Variants in EXOC6B observed in about 807,000 individuals in gnomAD.
The protein encoded by EXOC6B is SEC15 homolog B.
Under a neutral mutation model 113.5 loss-of-function variants are expected in EXOC6B, and 54 were observed. That is an observed-to-expected ratio of 0.48 (90% CI 0.38 to 0.60). EXOC6B has a LOEUF of 0.60. Ranked by LOEUF, EXOC6B falls within the 20% of genes least tolerant of loss-of-function variation. EXOC6B has a pLI of 0.00. For missense variants in EXOC6B, 797 were observed against 977.5 expected (o/e 0.82, Z 2.46); for synonymous variants, 357 against 339.0 (o/e 1.05, Z -0.58).
intron 20 of EXOC6B, among the ~76,000 whole-genome samples, chr2:72,188,213 G>C (rs994297694): frequency 6.6e-6 from 1 of 152,184 alleles, no homozygotes; most frequent in African/African-American, 2.4e-5. Flanking sequence ...TTGCCTCCCT[G>C]CTGCAGCCAG....
At chr2:72,655,481 G>A (rs1172681682) in intron 6 of EXOC6B, among the ~76,000 whole-genome samples, 1 of 151,888 alleles carries the variant, frequency 6.6e-6, no homozygotes, top group Non-Finnish European at 1.5e-5. Flanking sequence ...TAAGAAAGTT[G>A]TTACCTGTAA....
At chr2:72,375,043 A>AT (rs34594841) in intron 19 of EXOC6B, among the ~76,000 whole-genome samples, 20,629 of 151,612 alleles carry the variant, frequency 0.14, 1,725 homozygotes, top group African/African-American at 0.24. Flanking sequence ...CAAAAAGTAG[A>AT]TTTTTTTTCA....
chr2:72,517,728 G>A (rs934844442), intron 8 of EXOC6B, among the ~76,000 whole-genome samples: 8 of 151,932 alleles, frequency 5.3e-5, no homozygotes, highest in African/African-American at 1.7e-4. Context: ...ATATGCTTTG[G>A]AGCCAAGACA....
At chr2:72,364,631 C>G (rs553493631) in intron 19 of EXOC6B, among the ~76,000 whole-genome samples, 1 of 152,196 alleles carries the variant, frequency 6.6e-6, no homozygotes, top group South Asian at 2.1e-4. Context: ...GATTCTCCTA[C>G]GGTTCTCTCA....
chr2:72,666,780 G>GACACACACACACACAC (rs71404724), intron 6 of EXOC6B, among the ~76,000 whole-genome samples: 3 of 81,160 alleles, frequency 3.7e-5, no homozygotes, highest in African/African-American at 8.5e-5. Context: ...ATTTACAATA[G>GACACACACACACACAC]ACACACACAC....
chr2:72,335,566 A>ACG (rs1688649331), intron 19 of EXOC6B, among the ~76,000 whole-genome samples: 1 of 131,724 alleles, frequency 7.6e-6, no homozygotes, highest in Admixed American at 7.6e-5. Context: ...ACACACACAC[A>ACG]CACACACACA....
intron 20 of EXOC6B, among the ~76,000 whole-genome samples, chr2:72,326,500 C>T (rs1274802840): frequency 6.6e-6 from 1 of 151,986 alleles, no homozygotes; most frequent in Non-Finnish European, 1.5e-5. Flanking sequence ...GTAGCAATTG[C>T]TAGGTGGCTT....
intron 18 of EXOC6B, among the ~76,000 whole-genome samples, chr2:72,406,151 C>A (rs1366600451): frequency 7.9e-5 from 12 of 152,026 alleles, no homozygotes; most frequent in South Asian, 6.2e-4. Context: ...AAGAAGAGCT[C>A]ACTATCCTAA....
chr2:72,739,302 C>T (rs1028194070), intron 2 of EXOC6B, among the ~76,000 whole-genome samples: 3 of 152,054 alleles, frequency 2.0e-5, no homozygotes, highest in Non-Finnish European at 4.4e-5. Context: ...TTTAAATTTG[C>T]ATTCCTTTAA....
intron 20 of EXOC6B, among the ~76,000 whole-genome samples, chr2:72,295,179 C>T (rs577028169): frequency 1.2e-3 from 173 of 146,880 alleles, no homozygotes; most frequent in Middle Eastern, 3.6e-3. Flanking sequence ...TTCAGTGAGC[C>T]GAGATCGCAC....
rs182998922 is a variant in EXOC6B at position 72,344,387 on chromosome 2, T to C, written c.2123-9367A>G. Among the ~76,000 whole-genome samples the C allele has an allele frequency of 1.4e-4, 22 of 152,308 alleles. No individual in the cohort carries two copies. The East Asian group carries it at 3.7e-3, about 25-fold the overall frequency. The stretch of plus-strand genomic sequence containing the variant: ...TCTTTGAACATCTTTATGAGAGTTG[T>C]TTTAAAGTCTTTGTCTAGTAGATCC... On this transcript the variant is annotated intron_variant, in intron 19 of 21. Transcript: ENST00000272427.
chr2:72,400,408 G>C, intron 18 of EXOC6B, among the ~76,000 whole-genome samples: 1 of 151,618 alleles, frequency 6.6e-6, no homozygotes, highest in Non-Finnish European at 1.5e-5. Flanking sequence ...AAAGCAAATA[G>C]AACAAAAATG....
At chr2:72,349,075 T>C (rs562366878) in intron 19 of EXOC6B, among the ~76,000 whole-genome samples, 45 of 152,296 alleles carry the variant, frequency 3.0e-4, no homozygotes, top group African/African-American at 9.6e-4. Flanking sequence ...ATTCTAGCCC[T>C]TGTAGAATTT....
In EXOC6B at chr2:72,600,207, G is replaced by A. The variant is rs112719212; in HGVS notation, c.670-24539C>T. ...AGTAATCCCAGCACTTTGGGAGGCC[G>A]AGGCAGGCAGACTGCTTGAGCCCAG... is the stretch of plus-strand genomic sequence containing the variant. On this transcript the variant is annotated intron_variant, in intron 6 of 21. Transcript: ENST00000272427. Among the ~76,000 whole-genome samples the A allele has an allele frequency of 1.6e-4, 24 of 152,140 alleles. 2 individuals carry two copies. Among genetic ancestry groups the A allele is most frequent in the African/African-American group, 4.6e-4 (19 of 41,542 alleles).
At chr2:72,676,087 C>G (rs1676282623) in intron 6 of EXOC6B, among the ~76,000 whole-genome samples, 1 of 149,220 alleles carries the variant, frequency 6.7e-6, no homozygotes, top group African/African-American at 2.5e-5. Flanking sequence ...CATGAACAGA[C>G]CAGGCTCTGA....
In EXOC6B at chr2:72,731,207, T is replaced by A; in HGVS notation, c.366A>T (p.Leu122=). Residue 122 remains leucine (L), a synonymous_variant, in exon 4 of 22, where the codon CTA becomes CTT. Coordinates refer to ENST00000272427, the MANE Select transcript of EXOC6B (RefSeq NM_015189.3). ...CAGTGGCAGAAATATTTCTCTGTTGTAGTCGACACTGCTTCAGCTCTTCCA... is the reference window on the plus strand; with the variant it reads ...CAGTGGCAGAAATATTTCTCTGTTGAAGTCGACACTGCTTCAGCTCTTCCA... ...IAMEELKQCR[L]QQRNISATVD... is the part of the protein sequence containing the mutation. 6.2e-7 allele frequency: 1 copy of A among 1,613,380 alleles called. No individual in the cohort carries two copies. Among genetic ancestry groups the A allele is most frequent in the African/African-American group, 1.3e-5 (1 of 75,030 alleles).
At chr2:72,192,595 T>C (rs376874071) in intron 20 of EXOC6B, among the ~76,000 whole-genome samples, 1 of 152,178 alleles carries the variant, frequency 6.6e-6, no homozygotes, top group East Asian at 1.9e-4. Flanking sequence ...GAAAGCCTCC[T>C]CTTTCCAGAA....
chr2:72,292,657 T>G (rs922868796), intron 20 of EXOC6B, among the ~76,000 whole-genome samples: 1 of 152,054 alleles, frequency 6.6e-6, no homozygotes, highest in Non-Finnish European at 1.5e-5. Flanking sequence ...ATAAAGAAAC[T>G]CCTTTGTTTT....
intron 20 of EXOC6B, among the ~76,000 whole-genome samples, chr2:72,287,430 C>CAAAAAAAAAAAATAAAAAAAAAAAA (rs1685503838): frequency 9.5e-6 from 1 of 105,386 alleles, no homozygotes; most frequent in African/African-American, 3.2e-5. Flanking sequence ...GACTTCATCT[C>CAAAAAAAAAAAATAAAAAAAAAAAA]AAAAAAAAAA....
Sources: gnomAD v4.1 joint callset for allele counts (sites outside exome capture counted in the v4.1 genomes callset) on GRCh38, gnomAD v4.1.1 for gene constraint, MANE v1.5 for transcripts, NCBI Gene and HGNC (gene_info 2026-07-23, HGNC 2026-07-21) for gene names.